ANKFN1: variants seen among roughly 807,000 people sequenced by gnomAD.
ANKFN1 encodes ankyrin repeat and fibronectin type-III domain-containing protein 1.
In ANKFN1, 74 loss-of-function variants were observed where a neutral mutation model predicts 108.7. The ratio of observed to expected loss-of-function variants is 0.68; its 90% CI spans 0.56 to 0.83. ANKFN1 has a LOEUF of 0.83. Among genes scored for constraint, ANKFN1 ranks in the 40% least tolerant of loss-of-function variants. The probability of loss-of-function intolerance (pLI) is 0.00; values close to 1 mark genes in which losing one functional copy is unlikely to be tolerated. For missense variants in ANKFN1, 1,505 were observed against 1,382.3 expected (o/e 1.09, Z -1.41); for synonymous variants, 547 against 516.2 (o/e 1.06, Z -0.81).
chr17:56,133,400 A>T (rs1379383409), intron 4 of ANKFN1, among the ~76,000 whole-genome samples: 1 of 151,956 alleles, frequency 6.6e-6, no homozygotes, highest in African/African-American at 2.4e-5. Context: ...AAGCAATAAA[A>T]CCCTCAGTTT....
Position 56,171,438 on chromosome 17 carries a change from C to T in ANKFN1, c.-71+17908C>T, listed in dbSNP as rs577053569. Among the ~76,000 whole-genome samples, 31 of 152,288 alleles carry T rather than the reference C, an allele frequency of 2.0e-4. No individual in the cohort carries two copies. The South Asian group carries it at 6.2e-3, about 31-fold the overall frequency. On this transcript the variant is annotated intron_variant, in intron 1 of 20. Transcript: ENST00000682825. ...CCCCAGGAGGCTCTCTGCAAACCAA[C>T]GGTCTACAGCAATGGTTAAAACAGC... is the stretch of plus-strand genomic sequence containing the variant.
chr17:56,092,991 T>G (rs1030556536), intron 4 of ANKFN1, among the ~76,000 whole-genome samples: 1 of 151,134 alleles, frequency 6.6e-6, no homozygotes, highest in Non-Finnish European at 1.5e-5. Flanking sequence ...TGTGATTAGA[T>G]TAGGTTCACC....
At chr17:56,392,653 C>T (rs947931914) in intron 8 of ANKFN1, among the ~76,000 whole-genome samples, 16 of 152,246 alleles carry the variant, frequency 1.1e-4, no homozygotes, top group Admixed American at 7.8e-4. Flanking sequence ...ATATTTCACA[C>T]GATATGGAAA....
chr17:56,356,789 A>G (rs2046387891), intron 6 of ANKFN1, among the ~76,000 whole-genome samples: 1 of 152,176 alleles, frequency 6.6e-6, no homozygotes, highest in South Asian at 2.1e-4. Context: ...GGGTCTGAAC[A>G]TGGAGAATGC....
chr17:56,121,283 A>T (rs1906605028), intron 4 of ANKFN1, among the ~76,000 whole-genome samples: 1 of 151,992 alleles, frequency 6.6e-6, no homozygotes, highest in Non-Finnish European at 1.5e-5. Flanking sequence ...CTCAAAAGCG[A>T]TCATCTTCCT....
At chr17:56,444,618 A>G (rs886311933) in intron 10 of ANKFN1, among the ~76,000 whole-genome samples, 6 of 152,130 alleles carry the variant, frequency 3.9e-5, no homozygotes, top group Admixed American at 3.9e-4. Flanking sequence ...GACTCTTTAT[A>G]TGGAGGGCAT....
chr17:56,271,580 G>T (rs2043795682), intron 3 of ANKFN1, among the ~76,000 whole-genome samples: 1 of 152,216 alleles, frequency 6.6e-6, no homozygotes, highest in African/African-American at 2.4e-5. Flanking sequence ...TCTTGGATAA[G>T]GTAGTATCGA....
chr17:56,214,109 G>A (rs895883334), intron 2 of ANKFN1, among the ~76,000 whole-genome samples: 13 of 152,316 alleles, frequency 8.5e-5, no homozygotes, highest in Middle Eastern at 3.4e-3. Flanking sequence ...GTATTTGGGA[G>A]CAGAAGCACA....
At chr17:56,094,685 T>G (rs1258634070) in intron 4 of ANKFN1, among the ~76,000 whole-genome samples, 2 of 148,206 alleles carry the variant, frequency 1.3e-5, no homozygotes, top group African/African-American at 4.9e-5. Flanking sequence ...GTTTTTTTTT[T>G]TTTTTTTTGT....
chr17:56,404,717 G>C (rs11871930), intron 8 of ANKFN1, among the ~76,000 whole-genome samples: 1,597 of 152,192 alleles, frequency 0.01, 16 homozygotes, highest in Non-Finnish European at 0.016. Context: ...TGTGATTTTG[G>C]GGGGTATGGA....
In ANKFN1 at chr17:56,079,223, T is replaced by C. The variant is rs1375957503; in HGVS notation, c.288+32898T>C. Reference sequence around the variant, plus strand: ...CATGCCACAAGGCAGCAGAAACAGATGCTGCTTGAGAATGATTCACTTCTT... The same window carrying C: ...CATGCCACAAGGCAGCAGAAACAGACGCTGCTTGAGAATGATTCACTTCTT... On this transcript the variant is annotated intron_variant, in intron 4 of 12. Transcript: ENST00000635860. Among the ~76,000 whole-genome samples the C allele has an allele frequency of 2.6e-5, 4 of 152,212 alleles. 1 individual carries two copies. The highest frequency in any genetic ancestry group is 4.8e-5 in the African/African-American group (2 of 41,452).
chr17:56,398,339 A>T (rs1043172064), intron 8 of ANKFN1, among the ~76,000 whole-genome samples: 1 of 152,118 alleles, frequency 6.6e-6, no homozygotes, highest in Non-Finnish European at 1.5e-5. Context: ...AAGAAAACAC[A>T]TTGTTTTCCT....
chr17:56,104,314 G>A (rs1452702027), intron 4 of ANKFN1, among the ~76,000 whole-genome samples: 1 of 152,102 alleles, frequency 6.6e-6, no homozygotes, highest in African/African-American at 2.4e-5. Flanking sequence ...TTTAAATAAT[G>A]GCTTTAGACC....
chr17:56,234,377 G>T (rs916976153), intron 3 of ANKFN1, among the ~76,000 whole-genome samples: 13 of 151,482 alleles, frequency 8.6e-5, no homozygotes, highest in Admixed American at 8.5e-4. Context: ...AGGTTAACAG[G>T]TACATGTGCA....
At chr17:56,429,769 A>G (rs2048693446) in intron 8 of ANKFN1, among the ~76,000 whole-genome samples, 1 of 152,198 alleles carries the variant, frequency 6.6e-6, no homozygotes, top group Non-Finnish European at 1.5e-5. Flanking sequence ...AAAGGCAGAG[A>G]GACTAGCTCA....
At chr17:56,479,697 G>T (rs2050627061) in intron 16 of ANKFN1, among the ~76,000 whole-genome samples, 1 of 152,212 alleles carries the variant, frequency 6.6e-6, no homozygotes, top group Non-Finnish European at 1.5e-5. Flanking sequence ...GCCCAGCCTG[G>T]TAGAGCCCTT....
chr17:56,510,593 A>T lies in ANKFN1; in HGVS notation c.2765A>T (p.His922Leu). ...RDLDLVYLSS[H>L]DIAQQTLSGL... ...CTGGACCTGGTCTACCTATCATCTC[A>T]CGACATTGCGCAGCAGACCCTTAGC... Residue 922 changes from histidine (H) to leucine (L), a missense_variant, in exon 21 of 21, where the codon CAC becomes CTC. Physicochemically the swap from His to Leu is moderately conservative, Grantham distance 99. Transcript: ENST00000682825. 1 of 1,535,530 alleles carries T rather than the reference A, an allele frequency of 6.5e-7. No homozygotes were observed. The highest frequency in any genetic ancestry group is 1.2e-5 in the South Asian group (1 of 84,042).
intron 3 of ANKFN1, among the ~76,000 whole-genome samples, chr17:56,320,774 C>T (rs1567910775): frequency 6.6e-6 from 1 of 152,148 alleles, no homozygotes; most frequent in Admixed American, 6.5e-5. Context: ...TTGTAACCTC[C>T]TTTAAGAGAA....
At position 56,368,316 on chromosome 17, in the gene ANKFN1, G is replaced by A. The variant is rs181807191; in HGVS notation, c.602-4330G>A. 1.9e-3 allele frequency: 515 copies of A among 276,864 alleles called. 3 individuals carry two copies. The highest frequency in any genetic ancestry group is 0.016 in the African/African-American group (481 of 30,606). 17.2% of individuals were successfully genotyped at this position (276,864 alleles called of 1,614,324 possible). A position where few individuals can be genotyped will look rare whatever the true frequency, so the allele number is the denominator to read the frequency against. On this transcript the variant is annotated intron_variant, in intron 6 of 20. Transcript: ENST00000682825. ...TTTTTTTGAGAAGGAGTCTCGCTCC[G>A]TCTCCCAGGCTGGAGTGCAGTGGTG...
Sources: allele counts gnomAD v4.1 joint callset (sites outside exome capture counted in the v4.1 genomes callset), GRCh38; gene constraint gnomAD v4.1.1; transcripts MANE v1.5; gene names NCBI Gene and HGNC (gene_info 2026-07-23, HGNC 2026-07-21).